Variants in PHF14 observed in about 807,000 individuals in gnomAD.
PHF14 encodes PHD finger protein 14.
Under a neutral mutation model 117.9 loss-of-function variants are expected in PHF14, and 55 were observed. The ratio of observed to expected loss-of-function variants is 0.47; its 90% CI spans 0.38 to 0.58. PHF14 has a LOEUF of 0.58. PHF14 is among the 20% of genes least tolerant of loss of function. The pLI is 0.00. For missense variants in PHF14, 978 were observed against 1,122.2 expected, an observed-to-expected ratio of 0.87 and a Z score of 1.84; for synonymous variants, 409 against 368.6, an observed-to-expected ratio of 1.11 and a Z score of -1.26.
chr7:10,976,863 C>T (rs1781885805), intron 2 of PHF14, among the ~76,000 whole-genome samples: 1 of 147,110 alleles, frequency 6.8e-6, no homozygotes. Flanking sequence ...CATAATTTAC[C>T]TTCCTGGCCC....
chr7:11,056,498 A>G (rs962484713), intron 14 of PHF14, among the ~76,000 whole-genome samples: 5 of 152,036 alleles, frequency 3.3e-5, no homozygotes, highest in African/African-American at 1.2e-4. Context: ...TAAATTAGAT[A>G]AAAAGAAACT....
intron 5 of PHF14, among the ~76,000 whole-genome samples, chr7:11,020,665 C>A (rs1230977792): frequency 6.6e-6 from 1 of 151,978 alleles, no homozygotes; most frequent in Non-Finnish European, 1.5e-5. Flanking sequence ...AGGCATGAGC[C>A]ACTGTGCCTG....
Position 11,042,740 on chromosome 7 carries a change from T to C in PHF14, c.2238T>C (p.Cys746=), listed in dbSNP as rs1784538763. 3 of 1,592,848 alleles carry C rather than the reference T, an allele frequency of 1.9e-6. No individual in the cohort carries two copies. The highest frequency in any genetic ancestry group is 2.6e-6 in the Non-Finnish European group (3 of 1,165,902). ...DQHLLLLCDT[C]KLHYHLGCLD... is the part of the protein sequence containing the mutation. ...ATCTTCTTTTATTGTGTGATACCTG[T>C]AAACTACATTACCATCTTGGATGTC... is the stretch of plus-strand genomic sequence containing the variant. Residue 746 remains cysteine (C), a synonymous_variant, in exon 13 of 18, where the codon TGT becomes TGC. Transcript: ENST00000634607.
At chr7:11,144,008 A>G (rs914898375) in intron 17 of PHF14, among the ~76,000 whole-genome samples, 11 of 152,096 alleles carry the variant, frequency 7.2e-5, no homozygotes, top group Non-Finnish European at 1.5e-4. Context: ...ACATACCTGG[A>G]ACTCTAACAA....
chr7:11,104,192 T>C (rs2128341985), intron 16 of PHF14: 1 of 982,954 alleles, frequency 1.0e-6, no homozygotes. Context: ...ATTCCAATTA[T>C]AATACTATAT....
chr7:11,111,747 A>G lies in PHF14; in HGVS notation c.2772+280A>G, dbSNP rs138915419. 0.02 allele frequency among the ~76,000 whole-genome samples: 2,994 copies of G among 152,180 alleles called. 42 individuals carry two copies. Among genetic ancestry groups the G allele is most frequent in the Middle Eastern group, 0.044 (13 of 294 alleles). On this transcript the variant is annotated intron_variant, in intron 17 of 17. Transcript: ENST00000634607. ...AATAGTGCTCCGAAAGCCCAAACAG[A>G]TCACTCTCTGCTAACTTAACACACT...
At chr7:11,002,163 G>A (rs1172715700) in intron 4 of PHF14, among the ~76,000 whole-genome samples, 1 of 151,976 alleles carries the variant, frequency 6.6e-6, no homozygotes, top group Admixed American at 6.6e-5. Context: ...TCCTGCCTCA[G>A]CCTCCCCTAA....
intron 4 of PHF14, among the ~76,000 whole-genome samples, chr7:11,009,643 A>ATAT (rs1237896175): frequency 1.2e-4 from 19 of 152,362 alleles, no homozygotes; most frequent in African/African-American, 4.6e-4. Flanking sequence ...ACAGTGCTAG[A>ATAT]ACTTTGGTCT....
At chr7:11,121,486 G>A (rs111274371) in intron 17 of PHF14, among the ~76,000 whole-genome samples, 1,868 of 152,210 alleles carry the variant, frequency 0.012, 27 homozygotes, top group African/African-American at 0.043. Context: ...CAGGGGTTAT[G>A]TTCCAAGACC....
At position 11,022,946 on chromosome 7, in the gene PHF14, A is replaced by C. The variant is rs1342808046; in HGVS notation, c.1284A>C (p.Leu428=). The C allele has an allele frequency of 6.2e-7, 1 of 1,606,586 alleles. No individual in the cohort carries two copies. Among genetic ancestry groups the C allele is most frequent in the East Asian group, 2.2e-5 (1 of 44,780 alleles). The part of the protein sequence containing the change: ...GDIDKLRPVT[L]TEMNYSKYGA... ...TTGACAAATTACGACCAGTAACACT[A>C]ACGGAAATGAACTATTCCAAATATG... Residue 428 remains leucine, a synonymous_variant, in exon 6 of 18, where the codon CTA becomes CTC. Coordinates refer to ENST00000634607, the MANE Select transcript of PHF14 (RefSeq NM_001007157.2).
chr7:11,144,152 C>T (rs1297563420), intron 17 of PHF14, among the ~76,000 whole-genome samples: 1 of 151,968 alleles, frequency 6.6e-6, no homozygotes, highest in Non-Finnish European at 1.5e-5. Context: ...AATTGCAAAT[C>T]AAACCATGAT....
chr7:11,086,213 A>G (rs1022405766), intron 16 of PHF14, among the ~76,000 whole-genome samples: 6 of 152,136 alleles, frequency 3.9e-5, no homozygotes, highest in East Asian at 1.9e-4. Flanking sequence ...ATTGTACTCA[A>G]ATTTGTCCAG....
chr7:11,107,003 C>G (rs1462645088), intron 16 of PHF14: 1 of 982,884 alleles, frequency 1.0e-6, no homozygotes, highest in Non-Finnish European at 1.2e-6. Flanking sequence ...ATGGATTTTG[C>G]TTCTTTCTAA....
chr7:11,144,257 T>C (rs577027648), intron 17 of PHF14, among the ~76,000 whole-genome samples: 1 of 152,206 alleles, frequency 6.6e-6, no homozygotes, highest in South Asian at 2.1e-4. Context: ...TCTTGTATAC[T>C]GTTGGTGGTA....
Position 11,111,337 on chromosome 7 carries a change from G to T in PHF14, c.2655-13G>T. 1 of 1,384,542 alleles carries T rather than the reference G, an allele frequency of 7.2e-7. No individual in the cohort carries two copies. The highest frequency in any genetic ancestry group is 1.0e-6 in the Non-Finnish European group (1 of 979,552). The allele number at this position is 1,384,542 out of a possible 1,614,324, so 85.8% of individuals were successfully genotyped here. A position where few individuals can be genotyped will look rare whatever the true frequency, so the allele number is the denominator to read the frequency against. On this transcript the variant is annotated splice_polypyrimidine_tract_variant and intron_variant, in intron 16 of 17. Coordinates refer to ENST00000634607, the MANE Select transcript of PHF14 (RefSeq NM_001007157.2). ...TTTAGATACACCTACCTATAAATCTGTTTACCCTGCAGGTGTGATGAATGC... is the reference window on the plus strand; with the variant it reads ...TTTAGATACACCTACCTATAAATCTTTTTACCCTGCAGGTGTGATGAATGC...
Position 11,061,642 on chromosome 7 carries a change from C to A in PHF14, c.2482-149C>A, listed in dbSNP as rs80255804. The stretch of plus-strand genomic sequence containing the variant: ...ATAAATGGTAACAAAGTGCAGTAGT[C>A]CAATATAGTATTAATTAGAAATAAC... On this transcript the variant is annotated intron_variant, in intron 14 of 17. Coordinates refer to ENST00000634607, the MANE Select transcript of PHF14 (RefSeq NM_001007157.2). The A allele has an allele frequency of 4.2e-3, 1,973 of 468,802 alleles. 32 individuals are homozygous for A. The highest frequency in any genetic ancestry group is 0.034 in the African/African-American group (1,708 of 49,566). 29.0% of individuals were successfully genotyped at this position (468,802 alleles called of 1,614,324 possible). A position where few individuals can be genotyped will look rare whatever the true frequency, so the allele number is the denominator to read the frequency against.
chr7:11,011,743 G>A (rs903276940), intron 4 of PHF14, among the ~76,000 whole-genome samples: 9 of 152,120 alleles, frequency 5.9e-5, no homozygotes, highest in East Asian at 1.9e-4. Flanking sequence ...TTACATTAGG[G>A]CAGTGCCTTC....
At chr7:11,156,316 T>C (rs562374811) in intron 17 of PHF14, among the ~76,000 whole-genome samples, 1 of 152,278 alleles carries the variant, frequency 6.6e-6, no homozygotes, top group East Asian at 1.9e-4. Context: ...TGAAGCAAAT[T>C]CAATTTCTTT....
At chr7:11,056,462 AT>A (rs1785023330) in intron 14 of PHF14, among the ~76,000 whole-genome samples, 1 of 151,984 alleles carries the variant, frequency 6.6e-6, no homozygotes, top group Non-Finnish European at 1.5e-5. Flanking sequence ...TCTCCCATAT[AT>A]TTTCATAACC....
Sources: gnomAD v4.1 joint callset for allele counts (sites outside exome capture counted in the v4.1 genomes callset) on GRCh38, gnomAD v4.1.1 for gene constraint, MANE v1.5 for transcripts, NCBI Gene and HGNC (gene_info 2026-07-23, HGNC 2026-07-21) for gene names.